Variants in PSMG2 observed in about 807,000 individuals in gnomAD.
PSMG2 encodes proteasome assembly chaperone 2.
In PSMG2, 21 loss-of-function variants were observed where a neutral mutation model predicts 31.5. That is an observed-to-expected ratio of 0.67 (90% CI 0.47 to 0.96). The LOEUF (loss-of-function observed/expected upper bound fraction) is 0.96. Ranked by LOEUF, PSMG2 falls within the 40% of genes least tolerant of loss-of-function variation. The pLI is 0.00. For missense variants in PSMG2, 318 were observed against 321.2 expected (o/e 0.99, Z 0.08); for synonymous variants, 120 against 110.4 (o/e 1.09, Z -0.54).
chr18:12,725,378 C>A, intron 6 of PSMG2, 61 bp from the exon 7 acceptor site: 5 of 1,340,780 alleles, frequency 3.7e-6, no homozygotes, highest in Admixed American at 2.1e-5. Flanking sequence ...TTATAATTCA[C>A]TTTAAAAGGA....
chr18:12,667,974 T>C (rs952451795), intron 1 of PSMG2, among the ~76,000 whole-genome samples: 1 of 148,840 alleles, frequency 6.7e-6, no homozygotes, highest in African/African-American at 2.5e-5. Flanking sequence ...TAACATTAAA[T>C]GTGAATGGGG....
At chr18:12,669,189 G>A (rs1296818767) in intron 1 of PSMG2, among the ~76,000 whole-genome samples, 2 of 150,308 alleles carry the variant, frequency 1.3e-5, no homozygotes, top group South Asian at 4.2e-4. Flanking sequence ...CTCAGCTCAC[G>A]GCAACCTCCA....
At chr18:12,721,460 A>G (rs1186605828) in intron 5 of PSMG2, among the ~76,000 whole-genome samples, 1 of 152,206 alleles carries the variant, frequency 6.6e-6, no homozygotes, top group Non-Finnish European at 1.5e-5. Flanking sequence ...AATTCACAGC[A>G]TCTGCATCCA....
At chr18:12,720,391 T>A (rs1473731187) in intron 4 of PSMG2, 119 bp from the exon 5 acceptor site, 6 of 763,702 alleles carry the variant, frequency 7.9e-6, no homozygotes, top group African/African-American at 1.8e-5. Context: ...TTTACTTAAG[T>A]CTGCTGAAAC....
chr18:12,720,505 T>C lies in PSMG2; in HGVS notation c.408-5T>C. On this transcript the variant is annotated splice_polypyrimidine_tract_variant and splice_region_variant and intron_variant, in intron 4 of 6. Coordinates refer to ENST00000317615, the MANE Select transcript of PSMG2 (RefSeq NM_020232.5). ...TTAAAAAGTTAACTATATGATTATT[T>C]CTAGTACTCCCTTCCGGTACCTACT... 1 of 1,573,074 alleles carries C rather than the reference T, an allele frequency of 6.4e-7. No individual in the cohort carries two copies. Among genetic ancestry groups the C allele is most frequent in the Non-Finnish European group, 8.6e-7 (1 of 1,163,484 alleles).
intron 1 of PSMG2, chr18:12,685,937 G>T (rs2039524565): frequency 1.8e-5 from 3 of 169,764 alleles, no homozygotes; most frequent in South Asian, 2.9e-4. Flanking sequence ...AGCCAAAATG[G>T]TATAGTATTT....
intron 1 of PSMG2, among the ~76,000 whole-genome samples, chr18:12,667,707 A>G (rs1238203754): frequency 3.3e-5 from 5 of 150,294 alleles, no homozygotes; most frequent in African/African-American, 1.2e-4. Context: ...GTTGCAGTGA[A>G]CCAAGATCGT....
At chr18:12,699,021 A>C, upstream of PSMG2, 1 of 1,613,812 alleles carries the variant, frequency 6.2e-7, no homozygotes, top group Non-Finnish European at 8.5e-7. Flanking sequence ...CCATCATGAA[A>C]ATCTGGTTCA....
At chr18:12,672,976 G>C in intron 1 of PSMG2, 1 of 987,362 alleles carries the variant, frequency 1.0e-6, no homozygotes, top group South Asian at 4.6e-5. Flanking sequence ...CCATTAACCT[G>C]TGAAAAGTAA....
intron 1 of PSMG2, 67 bp downstream of exon 1, chr18:12,703,231 G>A (rs946579357): frequency 1.6e-5 from 24 of 1,508,114 alleles, no homozygotes; most frequent in Middle Eastern, 1.7e-4. Flanking sequence ...ACCCCGACGC[G>A]GGGTGTTTGG....
chr18:12,659,118 G>A (rs922389520), intron 1 of PSMG2, among the ~76,000 whole-genome samples: 1 of 152,184 alleles, frequency 6.6e-6, no homozygotes, highest in Non-Finnish European at 1.5e-5. Context: ...ATTCCACTGA[G>A]GCTAGTCCTG....
intron 1 of PSMG2, among the ~76,000 whole-genome samples, chr18:12,681,574 C>T (rs2145020794): frequency 6.6e-6 from 1 of 152,000 alleles, no homozygotes; most frequent in South Asian, 2.1e-4. Flanking sequence ...AGATTAATAG[C>T]TGAAGTACAT....
At chr18:12,668,769 T>C (rs28820339) in intron 1 of PSMG2, among the ~76,000 whole-genome samples, 45,689 of 126,310 alleles carry the variant, frequency 0.36, 9,104 homozygotes, top group Non-Finnish European at 0.44. Context: ...GACAGAGTCT[T>C]GCTCTGTCAC....
chr18:12,718,671 G>T, intron 4 of PSMG2, 36 bp downstream of exon 4: 2 of 1,401,230 alleles, frequency 1.4e-6, no homozygotes, highest in South Asian at 1.4e-5. Flanking sequence ...TTTTTGGTAT[G>T]GTTTATACTA....
intron 1 of PSMG2, among the ~76,000 whole-genome samples, chr18:12,671,439 G>GA (rs1303693886): frequency 2.0e-5 from 3 of 151,582 alleles, no homozygotes; most frequent in Admixed American, 6.6e-5. Flanking sequence ...AAGATTCTTT[G>GA]AAAAAATAAA....
intron 2 of PSMG2, among the ~76,000 whole-genome samples, chr18:12,707,399 C>A (rs952342788): frequency 6.6e-6 from 1 of 152,070 alleles, no homozygotes; most frequent in Non-Finnish European, 1.5e-5. Flanking sequence ...AAGTAGATTG[C>A]GCTGGACTCA....
At chr18:12,700,821 A>G, upstream of PSMG2, 1 of 608,956 alleles carries the variant, frequency 1.6e-6, no homozygotes, top group Non-Finnish European at 2.8e-6. Flanking sequence ...TATACTTGAA[A>G]CAAGGACACT....
intron 1 of PSMG2, 127 bp downstream of exon 1, chr18:12,703,291 C>A: frequency 2.6e-6 from 3 of 1,148,022 alleles, no homozygotes; most frequent in Non-Finnish European, 2.4e-6. Flanking sequence ...TGTTTTCGGC[C>A]GGAAAAAACA....
At chr18:12,721,726 T>C (rs887134133) in intron 5 of PSMG2, among the ~76,000 whole-genome samples, 2 of 152,142 alleles carry the variant, frequency 1.3e-5, no homozygotes, top group African/African-American at 4.8e-5. Flanking sequence ...TCTATTATTC[T>C]CTATTATTTC....
Sources: allele counts gnomAD v4.1 joint callset (sites outside exome capture counted in the v4.1 genomes callset), GRCh38; gene constraint gnomAD v4.1.1; transcripts MANE v1.5; gene names NCBI Gene and HGNC (gene_info 2026-07-23, HGNC 2026-07-21).